The following GRM7 variants were observed in gnomAD, a reference collection of about 807,000 sequenced individuals.
GRM7 encodes the protein metabotropic glutamate receptor 7.
GRM7 carries 35 observed loss-of-function variants against 84.5 expected under a neutral mutation model. The observed-to-expected ratio is 0.41, with a 90% confidence interval of 0.32 to 0.55. The LOEUF is 0.55. GRM7 is among the 20% of genes least tolerant of loss of function. The probability of loss-of-function intolerance (pLI) is 0.19; values close to 1 mark genes in which losing one functional copy is unlikely to be tolerated. For missense variants in GRM7, 1,003 were observed against 1,194.6 expected (o/e 0.84, Z 2.36); for synonymous variants, 487 against 455.1 (o/e 1.07, Z -0.89).
chr3:7,027,247 A>C (rs574521732), intron 1 of GRM7, among the ~76,000 whole-genome samples: 2 of 152,326 alleles, frequency 1.3e-5, no homozygotes, highest in Non-Finnish European at 2.9e-5. Context: ...CTCACAGAAT[A>C]AACCTATCTC....
intron 1 of GRM7, among the ~76,000 whole-genome samples, chr3:7,005,309 G>A (rs1695147798): frequency 6.6e-6 from 1 of 152,140 alleles, no homozygotes; most frequent in South Asian, 2.1e-4. Flanking sequence ...TTAGGCATTG[G>A]TTTGCTCTAC....
At chr3:7,489,949 A>T (rs1005918517) in intron 7 of GRM7, among the ~76,000 whole-genome samples, 1 of 151,768 alleles carries the variant, frequency 6.6e-6, no homozygotes, top group African/African-American at 2.4e-5. Context: ...TATATACTCC[A>T]TATTATTAAT....
chr3:7,193,375 G>A (rs1240715058), intron 2 of GRM7, among the ~76,000 whole-genome samples: 3 of 152,064 alleles, frequency 2.0e-5, no homozygotes, highest in Non-Finnish European at 4.4e-5. Context: ...GCACTTAGGA[G>A]TAATCAGAAT....
At chr3:7,245,052 G>T (rs951420640) in intron 2 of GRM7, among the ~76,000 whole-genome samples, 1 of 151,926 alleles carries the variant, frequency 6.6e-6, no homozygotes, top group Non-Finnish European at 1.5e-5. Flanking sequence ...TATTAGATGG[G>T]ATTAATGGCG....
At chr3:7,310,607 T>A (rs1290727933) in intron 4 of GRM7, among the ~76,000 whole-genome samples, 1 of 152,194 alleles carries the variant, frequency 6.6e-6, no homozygotes, top group Non-Finnish European at 1.5e-5. Context: ...TTCTAAGCAA[T>A]GCGTATGTCT....
At chr3:7,710,777 G>A (rs1224706957) in intron 9 of GRM7, among the ~76,000 whole-genome samples, 1 of 152,102 alleles carries the variant, frequency 6.6e-6, no homozygotes, top group African/African-American at 2.4e-5. Flanking sequence ...GAAAGATCTT[G>A]CCCTAGTCTT....
intron 8 of GRM7, among the ~76,000 whole-genome samples, chr3:7,635,059 A>G (rs1056666579): frequency 1.3e-5 from 2 of 152,234 alleles, no homozygotes; most frequent in Non-Finnish European, 2.9e-5. Flanking sequence ...TGTGGCAGCC[A>G]TAGCCTCATA....
chr3:7,702,625 G>C (rs967270049), intron 9 of GRM7, among the ~76,000 whole-genome samples: 1 of 152,178 alleles, frequency 6.6e-6, no homozygotes, highest in Non-Finnish European at 1.5e-5. Flanking sequence ...TCACTTAAAA[G>C]ATGCTTTAAG....
chr3:7,102,229 A>G (rs1321086955), intron 1 of GRM7, among the ~76,000 whole-genome samples: 1 of 151,344 alleles, frequency 6.6e-6, no homozygotes, highest in Non-Finnish European at 1.5e-5. Context: ...AGCTTTTATT[A>G]TTTGTCTGAT....
chr3:7,285,918 G>C (rs1160965903), intron 2 of GRM7, among the ~76,000 whole-genome samples: 1 of 151,970 alleles, frequency 6.6e-6, no homozygotes, highest in African/African-American at 2.4e-5. Context: ...AAGTTCATGG[G>C]GCATCATTAG....
intron 1 of GRM7, among the ~76,000 whole-genome samples, chr3:7,014,624 C>T (rs1255340025): frequency 6.6e-6 from 1 of 152,164 alleles, no homozygotes; most frequent in Non-Finnish European, 1.5e-5. Context: ...CCATAATTAG[C>T]ATATTTTGAA....
chr3:7,213,953 G>A (rs1188021488), intron 2 of GRM7, among the ~76,000 whole-genome samples: 1 of 152,026 alleles, frequency 6.6e-6, no homozygotes, highest in Non-Finnish European at 1.5e-5. Context: ...GAACAGCAAA[G>A]GGCTTTATAT....
At chr3:7,020,664 T>G (rs139676731) in intron 1 of GRM7, among the ~76,000 whole-genome samples, 24 of 152,338 alleles carry the variant, frequency 1.6e-4, no homozygotes, top group African/African-American at 4.8e-4. Flanking sequence ...GAAGACCTCC[T>G]TTTATAGGGT....
At chr3:6,898,647 A>C (rs1696275850) in intron 1 of GRM7, among the ~76,000 whole-genome samples, 1 of 152,026 alleles carries the variant, frequency 6.6e-6, no homozygotes, top group Admixed American at 6.6e-5. Flanking sequence ...GATACCTCCC[A>C]AAAATAGGTT....
In GRM7 at chr3:7,281,305, T is replaced by A. The variant is rs577155782; in HGVS notation, c.737-17379T>A. ...TTTTTTTGCAGTGCTAAAACAGGTATTTTATATGACTTTGTGATTACATTG... is the reference window on the plus strand; with the variant it reads ...TTTTTTTGCAGTGCTAAAACAGGTAATTTATATGACTTTGTGATTACATTG... On this transcript the variant is annotated intron_variant, in intron 2 of 9. Coordinates refer to ENST00000357716, the MANE Select transcript of GRM7 (RefSeq NM_000844.4). 2.6e-5 allele frequency among the ~76,000 whole-genome samples: 4 copies of A among 152,326 alleles called. No homozygotes were observed. In the East Asian group the frequency reaches 7.7e-4, roughly 29 times the overall value.
chr3:7,664,410 G>A (rs959827611), intron 8 of GRM7, among the ~76,000 whole-genome samples: 4 of 152,084 alleles, frequency 2.6e-5, no homozygotes, highest in Non-Finnish European at 5.9e-5. Context: ...TCTTTATGTC[G>A]GTAAAGGGGT....
chr3:7,043,697 C>T (rs1696707239), intron 1 of GRM7, among the ~76,000 whole-genome samples: 1 of 152,304 alleles, frequency 6.6e-6, no homozygotes, highest in Non-Finnish European at 1.5e-5. Context: ...TAACATCCCA[C>T]ACATAATGCA....
At chr3:7,673,477 G>A (rs892101374) in intron 8 of GRM7, among the ~76,000 whole-genome samples, 1 of 150,898 alleles carries the variant, frequency 6.6e-6, no homozygotes, top group African/African-American at 2.4e-5. Flanking sequence ...CAGGAAACCG[G>A]GTTAGAGATA....
chr3:7,558,961 T>G (rs55748489), intron 7 of GRM7, among the ~76,000 whole-genome samples: 8,846 of 152,182 alleles, frequency 0.058, 819 homozygotes, highest in African/African-American at 0.2. Context: ...TGGCTAATTT[T>G]CCTGTGAGAA....
Sources: allele counts gnomAD v4.1 joint callset (sites outside exome capture counted in the v4.1 genomes callset), GRCh38; gene constraint gnomAD v4.1.1; transcripts MANE v1.5; gene names NCBI Gene and HGNC (gene_info 2026-07-23, HGNC 2026-07-21).